The following SNX25 variants were observed in gnomAD, a reference collection of about 807,000 sequenced individuals.
The protein encoded by SNX25 is sorting nexin 25, also known as sorting nexin-25.
A neutral mutation model predicts 113.7 loss-of-function variants in SNX25; 62 were observed. That is an observed-to-expected ratio of 0.55 (90% confidence interval 0.44 to 0.67). The LOEUF is 0.67. Among genes scored for constraint, SNX25 ranks in the 30% least tolerant of loss-of-function variants. SNX25 has a pLI of 0.00. For synonymous variants in SNX25, 421 were observed against 436.2 expected (o/e 0.97, Z 0.43); for missense variants, 1,014 against 1,161.0 (o/e 0.87, Z 1.84).
chr4:185,366,969 T>G, downstream of SNX25: 1 of 504,530 alleles, frequency 2.0e-6, no homozygotes, highest in Non-Finnish European at 3.5e-6. Flanking sequence ...GGTGGACCTC[T>G]GAGGACTCTT....
chr4:185,352,631 T>G (rs568256472), intron 14 of SNX25, among the ~76,000 whole-genome samples: 33 of 152,338 alleles, frequency 2.2e-4, no homozygotes, highest in African/African-American at 7.9e-4. Context: ...CTCTCAGTCT[T>G]TACCTTTCTC....
At chr4:185,299,449 C>G (rs771606767) in intron 6 of SNX25, among the ~76,000 whole-genome samples, 1 of 152,120 alleles carries the variant, frequency 6.6e-6, no homozygotes, top group South Asian at 2.1e-4. Context: ...AGATTGCTCA[C>G]CCCCAACCCC....
intron 2 of SNX25, among the ~76,000 whole-genome samples, chr4:185,254,109 C>T (rs1039804481): frequency 6.6e-6 from 1 of 152,124 alleles, no homozygotes; most frequent in Admixed American, 6.5e-5. Context: ...AAGCAAGGCT[C>T]GCATGACTTT....
chr4:185,260,151 A>G lies in SNX25; in HGVS notation c.731+1087A>G, dbSNP rs183260333. ...ACACTTTTTTTAACGTTTTTTTAAAAATAATGTTTAAGACCAACTCAATTT... is the reference window on the plus strand; with the variant it reads ...ACACTTTTTTTAACGTTTTTTTAAAGATAATGTTTAAGACCAACTCAATTT... On this transcript the variant is annotated intron_variant, in intron 3 of 18. Transcript: ENST00000652585. 7.0e-4 allele frequency among the ~76,000 whole-genome samples: 107 copies of G among 152,062 alleles called. 1 individual carries two copies. The highest frequency in any genetic ancestry group is 1.4e-3 in the Non-Finnish European group (95 of 68,012).
At chr4:185,331,336 A>G (rs746175567) in intron 9 of SNX25, among the ~76,000 whole-genome samples, 8 of 152,218 alleles carry the variant, frequency 5.3e-5, no homozygotes, top group African/African-American at 9.7e-5. Context: ...TTCTCATACA[A>G]TGCTGACGTA....
intron 6 of SNX25, among the ~76,000 whole-genome samples, chr4:185,307,362 C>T (rs1437624715): frequency 6.6e-6 from 1 of 152,198 alleles, no homozygotes; most frequent in Non-Finnish European, 1.5e-5. Context: ...GCTGACTCAC[C>T]TCCAGAGAGT....
At chr4:185,282,735 C>G (rs569496659) in intron 5 of SNX25, among the ~76,000 whole-genome samples, 159 of 152,298 alleles carry the variant, frequency 1.0e-3, no homozygotes, top group Non-Finnish European at 1.6e-3. Context: ...TGCCCCTCCT[C>G]CCTAATACTT....
At chr4:185,329,612 G>C (rs189591881) in intron 9 of SNX25, among the ~76,000 whole-genome samples, 1 of 152,232 alleles carries the variant, frequency 6.6e-6, no homozygotes, top group East Asian at 1.9e-4. Context: ...ATTAGTGTCC[G>C]ATGTTGGATG....
At chr4:185,252,455 G>A (rs1359341552) in intron 2 of SNX25, among the ~76,000 whole-genome samples, 1 of 152,096 alleles carries the variant, frequency 6.6e-6, no homozygotes, top group African/African-American at 2.4e-5. Context: ...TACTTGTTAA[G>A]GCTGTAGTAA....
chr4:185,345,819 A>G (rs1353331556), intron 12 of SNX25, among the ~76,000 whole-genome samples: 4 of 151,686 alleles, frequency 2.6e-5, no homozygotes, highest in Non-Finnish European at 5.9e-5. Context: ...ATGCAGTAAT[A>G]GAGCTACAAC....
intron 9 of SNX25, among the ~76,000 whole-genome samples, chr4:185,324,442 G>A (rs1487634994): frequency 6.6e-6 from 1 of 152,158 alleles, no homozygotes; most frequent in African/African-American, 2.4e-5. Context: ...AGACTAAAGA[G>A]TATTTATTGG....
In SNX25 at chr4:185,349,678, G is replaced by A. The variant is rs952106387; in HGVS notation, c.2302-1767G>A. Among the ~76,000 whole-genome samples the A allele has an allele frequency of 2.6e-5, 4 of 151,802 alleles. No individual in the cohort carries two copies. In the East Asian group the frequency reaches 7.7e-4, roughly 29 times the overall value. On this transcript the variant is annotated intron_variant, in intron 13 of 18. Transcript: ENST00000652585. The stretch of plus-strand genomic sequence containing the variant: ...TCATATACCTGTTTTCCATTTTTAT[G>A]TTTTCATTTGTGTCTATTCAAGTCC...
the SNX25 span, chr4:185,378,474 G>T: frequency 8.5e-7 from 1 of 1,181,328 alleles, no homozygotes; most frequent in East Asian, 4.7e-5. Context: ...GTCTGGCTAT[G>T]GGTTTATACA....
chr4:185,309,006 A>G (rs999685075), intron 6 of SNX25, among the ~76,000 whole-genome samples: 5 of 152,216 alleles, frequency 3.3e-5, no homozygotes, highest in African/African-American at 1.2e-4. Flanking sequence ...TGAAGCTGCA[A>G]TCTGGGCAGG....
intron 5 of SNX25, among the ~76,000 whole-genome samples, chr4:185,285,527 A>T (rs532642068): frequency 6.6e-6 from 1 of 152,328 alleles, no homozygotes; most frequent in African/African-American, 2.4e-5. Flanking sequence ...CTTATGATAA[A>T]TACTTGAGAT....
chr4:185,344,172 G>A (rs534765565), intron 12 of SNX25, among the ~76,000 whole-genome samples: 1 of 152,216 alleles, frequency 6.6e-6, no homozygotes, highest in Non-Finnish European at 1.5e-5. Flanking sequence ...AGTGAGTCAG[G>A]ATCATATCAC....
intron 7 of SNX25, among the ~76,000 whole-genome samples, chr4:185,318,563 C>T (rs188886598): frequency 6.6e-6 from 1 of 152,084 alleles, no homozygotes; most frequent in East Asian, 1.9e-4. Flanking sequence ...ATGGTTGATA[C>T]TGTAAACAAA....
chr4:185,236,975 C>T (rs997038437), intron 1 of SNX25, among the ~76,000 whole-genome samples: 1 of 152,106 alleles, frequency 6.6e-6, no homozygotes, highest in African/African-American at 2.4e-5. Context: ...TAATTCCTTA[C>T]ATCTATAATA....
the SNX25 span, chr4:185,378,510 CAA>C: frequency 1.0e-5 from 11 of 1,073,482 alleles, no homozygotes; most frequent in Non-Finnish European, 1.2e-5. Context: ...TCACCCAGCA[CAA>C]GTGTTGCCAC....
Sources: gnomAD v4.1 joint callset for allele counts (sites outside exome capture counted in the v4.1 genomes callset) on GRCh38, gnomAD v4.1.1 for gene constraint, MANE v1.5 for transcripts, NCBI Gene and HGNC (gene_info 2026-07-23, HGNC 2026-07-21) for gene names.